SAMD10: variants seen among roughly 807,000 people sequenced by gnomAD.
The protein encoded by SAMD10 is sterile alpha motif domain-containing protein 10.
SAMD10 carries 16 observed loss-of-function variants against 22.5 expected under a neutral mutation model. The ratio of observed to expected loss-of-function variants is 0.71; its 90% confidence interval spans 0.48 to 1.08. The LOEUF is 1.08. Among genes scored for constraint, SAMD10 ranks in the 50% least tolerant of loss-of-function variants. The pLI is 0.00. For missense variants in SAMD10, 227 were observed against 281.3 expected, an observed-to-expected ratio of 0.81 and a Z score of 1.38; for synonymous variants, 118 against 122.2, an observed-to-expected ratio of 0.97 and a Z score of 0.23.
rs1428750575 is a variant in SAMD10 at position 63,977,291 on chromosome 20, G to T, written c.207C>A (p.Arg69=). 2.5e-6 allele frequency: 4 copies of T among 1,613,380 alleles called. No individual in the cohort carries two copies. The African/African-American group carries it at 5.3e-5, about 22-fold the overall frequency. Residue 69 remains arginine, a synonymous_variant, in exon 2 of 5, where the codon CGC becomes CGA. Transcript: ENST00000369886. The surrounding 1 kb of genome is among the most constrained non-coding windows in gnomAD (Gnocchi z 5.4). ...PGTSLTWHDS[R]SQRAASSRPI... ...GCCTGCTGCTGGCCGCCCTCTGGCT[G>T]CGGGAGTCATGCCACGTGAGGCTGG...
chr20:63,976,065 C>T (rs1033409471), intron 3 of SAMD10, among the ~76,000 whole-genome samples: 13 of 152,110 alleles, frequency 8.5e-5, no homozygotes, highest in African/African-American at 2.9e-4. Flanking sequence ...CCCAGCTACT[C>T]GGGAGGCTGA....
Position 63,979,480 on chromosome 20 carries a change from T to A in SAMD10, c.-13A>T. 1 of 1,347,598 alleles carries A rather than the reference T, an allele frequency of 7.4e-7. No individual in the cohort carries two copies. Among genetic ancestry groups the A allele is most frequent in the Non-Finnish European group, 9.5e-7 (1 of 1,053,362 alleles). 83.5% of individuals were successfully genotyped at this position (1,347,598 alleles called of 1,614,324 possible). A position where few individuals can be genotyped will look rare whatever the true frequency, so the allele number is the denominator to read the frequency against. ...GCTCGGTGAACATGGGGCCCGCGGG[T>A]GCCAGGCCCGCGCACACGCCCCTCG... On this transcript the variant is annotated 5_prime_UTR_variant, in exon 1 of 5. Transcript: ENST00000369886. The surrounding 1 kb of genome is among the most constrained non-coding windows in gnomAD (Gnocchi z 7.7).
Position 63,977,427 on chromosome 20 carries a change from T to C in SAMD10, c.92-21A>G, listed in dbSNP as rs1569206722. 3.7e-6 allele frequency: 6 copies of C among 1,610,046 alleles called. No homozygotes were observed. The Admixed American group carries it at 5.0e-5, about 13-fold the overall frequency. On this transcript the variant is annotated intron_variant, in intron 1 of 4. Coordinates refer to ENST00000369886, the MANE Select transcript of SAMD10 (RefSeq NM_080621.5). This position sits in a 1 kb window ranked among gnomAD's most constrained non-coding sequence, Gnocchi z 5.4. ...AGTGGCTGTGTGTGGGGGTGCCTGG[T>C]CAGGGCAGTCAAGGGCAGAACCAGA... is the stretch of plus-strand genomic sequence containing the variant.
At chr20:63,975,620 G>A (rs817342) in intron 4 of SAMD10, 72 bp downstream of exon 4, 86,946 of 1,579,204 alleles carry the variant, frequency 0.055, 2,682 homozygotes, top group Middle Eastern at 0.13. Context: ...CCGACCTCCT[G>A]AGGTCATCCC....
At position 63,979,034 on chromosome 20, in the gene SAMD10, C is replaced by T. The variant is rs1385424607; in HGVS notation, c.91+343G>A. ...AGGAAATGGGGCGGGGGCACCGAGG[C>T]GGGATGTGACCTCGGCCCCCTTTCG... On this transcript the variant is annotated intron_variant, in intron 1 of 4. Transcript: ENST00000369886. The surrounding 1 kb of genome is among the most constrained non-coding windows in gnomAD (Gnocchi z 7.7). Among the ~76,000 whole-genome samples the T allele has an allele frequency of 6.6e-6, 1 of 152,164 alleles. No homozygotes were observed. Among genetic ancestry groups the T allele is most frequent in the Non-Finnish European group, 1.5e-5 (1 of 68,024 alleles).
At chr20:63,978,222 T>C (rs189228733) in intron 1 of SAMD10, 1 of 888,220 alleles carries the variant, frequency 1.1e-6, no homozygotes, top group Non-Finnish European at 1.6e-6. Flanking sequence ...AGCTTTGTCA[T>C]CATCTCTGGG....
At chr20:63,978,567 CG>C (rs556769886) in intron 1 of SAMD10, among the ~76,000 whole-genome samples, 86 of 152,302 alleles carry the variant, frequency 5.6e-4, no homozygotes, top group African/African-American at 2.0e-3. Flanking sequence ...GTCTAAGTAT[CG>C]GTGAAAACCA....
chr20:63,979,352 C>A lies in SAMD10; in HGVS notation c.91+25G>T. On this transcript the variant is annotated intron_variant, in intron 1 of 4. Transcript: ENST00000369886. This position sits in a 1 kb window ranked among gnomAD's most constrained non-coding sequence, Gnocchi z 7.7. ...CTGAGACCCCCGCCCGAGAAATCCC[C>A]GCTCCCCAATCCAGCCCCGCTCACC... The A allele has an allele frequency of 6.9e-7, 1 of 1,458,546 alleles. No individual in the cohort carries two copies. The highest frequency in any genetic ancestry group is 9.0e-7 in the Non-Finnish European group (1 of 1,105,384). 90.4% of individuals were successfully genotyped at this position (1,458,546 alleles called of 1,614,324 possible).
At chr20:63,979,751 C>A (rs998020850), upstream of SAMD10, 78 of 934,762 alleles carry the variant, frequency 8.3e-5, no homozygotes, top group Admixed American at 2.4e-3. The surrounding 1 kb of genome is among the most constrained non-coding windows in gnomAD (Gnocchi z 7.7). Flanking sequence ...GGCACGGCTC[C>A]GCGGAGGAGA....
chr20:63,977,135 A>C lies in SAMD10; in HGVS notation c.281T>G (p.Leu94Arg). The change falls in exon 3 of 5, where the codon CTG becomes CGG. Residue 94 changes from leucine to arginine, a missense_variant. Leu to Arg is a moderately radical substitution (Grantham distance 102). Coordinates refer to ENST00000369886, the MANE Select transcript of SAMD10 (RefSeq NM_080621.5). This position sits in a 1 kb window ranked among gnomAD's most constrained non-coding sequence, Gnocchi z 5.4. Reference sequence around the variant, plus strand: ...GTACAGGCCATAGTGGTCAGAGTACAGCCGGCCCTGCAGGGGAGGGGCGTG... The same window carrying C: ...GTACAGGCCATAGTGGTCAGAGTACCGCCGGCCCTGCAGGGGAGGGGCGTG... ...QPGTDTPQGRLYSDHYGLYHT... is the reference protein window; with the variant it reads ...QPGTDTPQGRRYSDHYGLYHT... 2 of 1,613,252 alleles carry C rather than the reference A, an allele frequency of 1.2e-6. No individual in the cohort carries two copies. Among genetic ancestry groups the C allele is most frequent in the Non-Finnish European group, 1.7e-6 (2 of 1,179,554 alleles).
In SAMD10 at chr20:63,975,525, G is replaced by A. The variant is rs762089803; in HGVS notation, c.594C>T (p.Phe198=). 9.3e-6 allele frequency: 15 copies of A among 1,606,884 alleles called. No individual in the cohort carries two copies. Among genetic ancestry groups the A allele is most frequent in the Admixed American group, 3.5e-5 (2 of 57,272 alleles). Reference sequence around the variant, plus strand: ...TCAGCAGCAGCTAGGACATTTTCCCGAAGGAAGCTGTGTGATGGAAGAGGG... The same window carrying A: ...TCAGCAGCAGCTAGGACATTTTCCCAAAGGAAGCTGTGTGATGGAAGAGGG... ...RSLQLLSQAS[F]GKMS Residue 198 remains phenylalanine (F), a synonymous_variant, in exon 5 of 5, where the codon TTC becomes TTT. Transcript: ENST00000369886.
At chr20:63,975,910 T>C (rs2059019231) in intron 3 of SAMD10, 78 bp from the exon 4 acceptor site, 6 of 1,429,496 alleles carry the variant, frequency 4.2e-6, no homozygotes, top group Admixed American at 2.8e-5. Context: ...CCATGGCTCA[T>C]GCCTGTGATC....
Position 63,975,226 on chromosome 20 carries a change from GC to G in SAMD10, c.*283del. On this transcript the variant is annotated 3_prime_UTR_variant, in exon 5 of 5. Transcript: ENST00000369886. The stretch of plus-strand genomic sequence containing the variant: ...AAACCGGTTCTGGCTCCAGGCAGCT[GC>G]CCCACATGCTGCCAGCTGCACCAGG... 2 of 508,632 alleles carry G rather than the reference GC, an allele frequency of 3.9e-6. No individual in the cohort carries two copies. The highest frequency in any genetic ancestry group is 6.9e-6 in the Non-Finnish European group (2 of 289,850). The allele number at this position is 508,632 out of a possible 1,614,324, so 31.5% of individuals were successfully genotyped here.
rs753145224 is a variant in SAMD10 at position 63,977,383 on chromosome 20, G to T, written c.115C>A (p.Arg39=). 1 of 1,613,006 alleles carries T rather than the reference G, an allele frequency of 6.2e-7. No individual in the cohort carries two copies. Among genetic ancestry groups the T allele is most frequent in the South Asian group, 1.1e-5 (1 of 91,024 alleles). ...GACACCGTGTGCTCCAGGAGGGTCC[G>T]GCAGAAGCTGAAGTGGGCAGTGGCT... ...VDATAHFSFC[R]TLLEHTVSAE... The change falls in exon 2 of 5, where the codon CGG becomes AGG. Residue 39 remains arginine (R), a synonymous_variant. Transcript: ENST00000369886. The surrounding 1 kb of genome is among the most constrained non-coding windows in gnomAD (Gnocchi z 5.4).
intron 1 of SAMD10, among the ~76,000 whole-genome samples, chr20:63,978,061 C>G (rs2059037608): frequency 6.6e-6 from 1 of 152,274 alleles, no homozygotes; most frequent in South Asian, 2.1e-4. Context: ...GGGCCTGCAG[C>G]CCGGGACAAC....
intron 1 of SAMD10, among the ~76,000 whole-genome samples, chr20:63,978,887 G>A (rs2059042877): frequency 6.6e-6 from 1 of 152,184 alleles, no homozygotes; most frequent in Non-Finnish European, 1.5e-5. Flanking sequence ...TCCTCAGCCC[G>A]CACGGCACCT....
chr20:63,978,059 A>G (rs892964126), intron 1 of SAMD10, among the ~76,000 whole-genome samples: 6 of 152,388 alleles, frequency 3.9e-5, no homozygotes, highest in Admixed American at 6.5e-5. Context: ...CAGGGCCTGC[A>G]GCCCGGGACA....
At chr20:63,978,278 T>C in intron 1 of SAMD10, 1 of 1,300,472 alleles carries the variant, frequency 7.7e-7, no homozygotes, top group African/African-American at 1.5e-5. Context: ...TTGATCCAGG[T>C]CTGGTTACAG....
Position 63,977,464 on chromosome 20 carries a change from C to T in SAMD10, c.92-58G>A, listed in dbSNP as rs2059033042. On this transcript the variant is annotated intron_variant, in intron 1 of 4. Coordinates refer to ENST00000369886, the MANE Select transcript of SAMD10 (RefSeq NM_080621.5). This position sits in a 1 kb window ranked among gnomAD's most constrained non-coding sequence, Gnocchi z 5.4. The stretch of plus-strand genomic sequence containing the variant: ...AGGGCAGAACCAGAGGCTTCCTCTA[C>T]TTGAGAGCTAGCTCCCTGCCCCATC... 6.4e-7 allele frequency: 1 copy of T among 1,553,722 alleles called. No homozygotes were observed. Among genetic ancestry groups the T allele is most frequent in the African/African-American group, 1.4e-5 (1 of 73,800 alleles).
Sources: allele counts gnomAD v4.1 joint callset (sites outside exome capture counted in the v4.1 genomes callset), GRCh38; gene constraint gnomAD v4.1.1; non-coding constraint Gnocchi (gnomAD v3.1); transcripts MANE v1.5; gene names NCBI Gene and HGNC (gene_info 2026-07-23, HGNC 2026-07-21).